Variants in CLHC1 observed in about 807,000 individuals in gnomAD.
CLHC1 encodes clathrin heavy chain linker domain-containing protein 1.
A neutral mutation model predicts 69.5 loss-of-function variants in CLHC1; 72 were observed. That is an observed-to-expected ratio of 1.04 (90% CI 0.86 to 1.26). The LOEUF is 1.26. Ranked by LOEUF, CLHC1 falls within the 50% of genes most tolerant of loss-of-function variation. The probability of loss-of-function intolerance (pLI) is 0.00; values close to 1 mark genes in which losing one functional copy is unlikely to be tolerated. For synonymous variants in CLHC1, 223 were observed against 224.3 expected, an observed-to-expected ratio of 0.99 and a Z score of 0.05; for missense variants, 790 against 679.3, an observed-to-expected ratio of 1.16 and a Z score of -1.81.
At chr2:55,188,118 A>G (rs1449087834) in intron 9 of CLHC1, among the ~76,000 whole-genome samples, 2 of 152,168 alleles carry the variant, frequency 1.3e-5, no homozygotes, top group African/African-American at 4.8e-5. Context: ...GTTTGAGACC[A>G]GCCTGGGCAA....
upstream of CLHC1, chr2:55,232,505 T>A (rs528351807): frequency 5.7e-5 from 26 of 458,096 alleles, no homozygotes; most frequent in South Asian, 1.3e-4. Flanking sequence ...TTCGAAAGCA[T>A]TCCGAAGGCT....
chr2:55,202,422 G>A (rs1337328913), intron 9 of CLHC1, among the ~76,000 whole-genome samples: 1 of 151,884 alleles, frequency 6.6e-6, no homozygotes, highest in African/African-American at 2.4e-5. Context: ...CGGGCCTGGT[G>A]GCAGGTGCCT....
At chr2:55,208,862 CCT>C (rs1374397605) in intron 7 of CLHC1, 152 bp from the exon 8 acceptor site, 7 of 379,762 alleles carry the variant, frequency 1.8e-5, no homozygotes, top group African/African-American at 4.9e-5. Context: ...CCGTCCCTTT[CCT>C]CTTTTTTTTT....
chr2:55,208,505 C>G (rs1672653633), intron 8 of CLHC1, 121 bp downstream of exon 8: 2 of 625,434 alleles, frequency 3.2e-6, no homozygotes, highest in Admixed American at 5.8e-5. Context: ...TAAAACATAT[C>G]AACATTATAA....
At chr2:55,218,040 T>G (rs1273171722) in intron 3 of CLHC1, 42 bp from the exon 4 acceptor site, 1 of 1,054,202 alleles carries the variant, frequency 9.5e-7, no homozygotes, top group South Asian at 2.5e-5. Flanking sequence ...ATTTTTTTTC[T>G]AGGAGGCTAT....
rs1429081462 is a variant in CLHC1 at position 55,206,199 on chromosome 2, C to T, written c.1006+71G>A. The T allele has an allele frequency of 6.7e-6, 6 of 892,166 alleles. No individual in the cohort carries two copies. In the African/African-American group the frequency reaches 1.0e-4, roughly 15 times the overall value. The allele number at this position is 892,166 out of a possible 1,614,324, so 55.3% of individuals were successfully genotyped here. The stretch of plus-strand genomic sequence containing the variant: ...AGATCTTTAGTCTCCCAGTTTAATG[C>T]TTTTTCTATTTTATGAGAGAAAAAG... On this transcript the variant is annotated intron_variant, in intron 9 of 12. Coordinates refer to ENST00000401408, the MANE Select transcript of CLHC1 (RefSeq NM_152385.4).
At position 55,217,989 on chromosome 2, in the gene CLHC1, G is replaced by A; in HGVS notation, c.187C>T (p.His63Tyr). Residue 63 changes from histidine to tyrosine, a missense_variant, in exon 4 of 13, where the codon CAT becomes TAT. Transcript: ENST00000401408. ...AGAATGGATTTGTATGCAGTGATAT[G>A]CTCTATTACCTGAAATATTATTTTT... ...YRNVFDKVIE[H>Y]ITAYKSILTS... The A allele has an allele frequency of 1.3e-6, 2 of 1,488,890 alleles. No individual in the cohort carries two copies. The highest frequency in any genetic ancestry group is 1.4e-5 in the South Asian group (1 of 73,250). The allele number at this position is 1,488,890 out of a possible 1,614,324, so 92.2% of individuals were successfully genotyped here.
intron 11 of CLHC1, among the ~76,000 whole-genome samples, 200 bp from the exon 12 acceptor site, chr2:55,177,981 A>C (rs982237766): frequency 6.6e-6 from 1 of 152,168 alleles, no homozygotes; most frequent in Non-Finnish European, 1.5e-5. Flanking sequence ...CATAGCAAAA[A>C]ACAAAGGAAA....
In CLHC1 at chr2:55,182,831, G is replaced by A. The variant is rs72916738; in HGVS notation, c.1007-1087C>T. ...GCTCTCTCAGAGAGGTCTGCATGCA[G>A]ACCAGATAACCCCACCTGAGAGAGT... On this transcript the variant is annotated intron_variant, in intron 9 of 12. Coordinates refer to ENST00000401408, the MANE Select transcript of CLHC1 (RefSeq NM_152385.4). 8.3e-3 allele frequency among the ~76,000 whole-genome samples: 1,267 copies of A among 152,088 alleles called. 23 individuals are homozygous for A. The highest frequency in any genetic ancestry group is 0.029 in the African/African-American group (1,201 of 41,392).
Position 55,208,695 on chromosome 2 carries a change from A to G in CLHC1, c.830T>C (p.Val277Ala). 4.3e-6 allele frequency: 7 copies of G among 1,609,940 alleles called. No homozygotes were observed. Among genetic ancestry groups the G allele is most frequent in the Non-Finnish European group, 6.0e-6 (7 of 1,176,314 alleles). ...TGGATCATCTTCCATTAGTTCTTCAACAATGCCTTGGTCACCTGTAAATAT... is the reference window on the plus strand; with the variant it reads ...TGGATCATCTTCCATTAGTTCTTCAGCAATGCCTTGGTCACCTGTAAATAT... ...TKYLQGDQGIVEELMEDDPRR... is the reference protein window; with the variant it reads ...TKYLQGDQGIAEELMEDDPRR... Residue 277 changes from valine (V) to alanine (A), a missense_variant, in exon 8 of 13, where the codon GTT (valine) becomes GCT (alanine). By Grantham distance (64) the Val-to-Ala change is moderately conservative. Transcript: ENST00000401408.
intron 7 of CLHC1, among the ~76,000 whole-genome samples, 155 bp from the exon 8 acceptor site, chr2:55,208,865 C>CCTTTTTTTTTTTTTT (rs1553353361): frequency 1.1e-5 from 1 of 90,820 alleles, no homozygotes; most frequent in Non-Finnish European, 2.2e-5. Context: ...TCCCTTTCCT[C>CCTTTTTTTTTTTTTT]TTTTTTTTTT....
intron 10 of CLHC1, among the ~76,000 whole-genome samples, chr2:55,181,109 T>C (rs1418456906): frequency 6.6e-6 from 1 of 152,110 alleles, no homozygotes; most frequent in Non-Finnish European, 1.5e-5. Flanking sequence ...GCTTCCTGAG[T>C]AGCAGGGACT....
rs1573567051 is a variant in CLHC1 at position 55,175,439 on chromosome 2, A to C, written c.*351T>G. 5.1e-6 allele frequency: 1 copy of C among 197,334 alleles called. No individual in the cohort carries two copies. The highest frequency in any genetic ancestry group is 1.2e-4 in the East Asian group (1 of 8,600). 12.2% of individuals were successfully genotyped at this position (197,334 alleles called of 1,614,324 possible). A position where few individuals can be genotyped will look rare whatever the true frequency, so the allele number is the denominator to read the frequency against. On this transcript the variant is annotated 3_prime_UTR_variant, in exon 13 of 13. Coordinates refer to ENST00000401408, the MANE Select transcript of CLHC1 (RefSeq NM_152385.4). ...TTGGGAAGACAGTCTAACACACAGG[A>C]TACTACCCACACCTTCCTCAGTTCT... is the stretch of plus-strand genomic sequence containing the variant.
At chr2:55,185,221 G>C (rs1025389875) in intron 9 of CLHC1, among the ~76,000 whole-genome samples, 8 of 152,118 alleles carry the variant, frequency 5.3e-5, no homozygotes, top group African/African-American at 1.4e-4. Flanking sequence ...GGAAAACCAA[G>C]AAGAAGCTAT....
At chr2:55,194,532 G>A (rs950988384) in intron 9 of CLHC1, among the ~76,000 whole-genome samples, 5 of 151,662 alleles carry the variant, frequency 3.3e-5, no homozygotes, top group Admixed American at 2.6e-4. Flanking sequence ...AAACTGTATT[G>A]GAGAATTTAG....
At chr2:55,180,911 G>A (rs1669874571) in intron 10 of CLHC1, among the ~76,000 whole-genome samples, 199 bp from the exon 11 acceptor site, 1 of 152,080 alleles carries the variant, frequency 6.6e-6, no homozygotes, top group South Asian at 2.1e-4. Flanking sequence ...TAGTCAATAT[G>A]AAAATAAAGT....
Position 55,174,054 on chromosome 2 carries a change from G to A in CLHC1, c.*1736C>T, listed in dbSNP as rs1482834763. On this transcript the variant is annotated 3_prime_UTR_variant, in exon 13 of 13. Transcript: ENST00000401408. The stretch of plus-strand genomic sequence containing the variant: ...AGGTTTTAAGCCGTTGGCACACAAA[G>A]AACCAGTGCTGCCGAAATACCTCTC... Among the ~76,000 whole-genome samples, 2 of 146,946 alleles carry A rather than the reference G, an allele frequency of 1.4e-5. No individual in the cohort carries two copies. Among genetic ancestry groups the A allele is most frequent in the African/African-American group, 5.0e-5 (2 of 39,954 alleles).
intron 9 of CLHC1, among the ~76,000 whole-genome samples, chr2:55,191,624 C>T (rs373486696): frequency 1.1e-4 from 16 of 152,142 alleles, no homozygotes; most frequent in African/African-American, 3.9e-4. Context: ...TTATTCTATA[C>T]ATCAAGTGGT....
At chr2:55,217,551 A>AAAAAAAAAAAAAAG (rs1673673741) in intron 4 of CLHC1, among the ~76,000 whole-genome samples, 1 of 60,154 alleles carries the variant, frequency 1.7e-5, no homozygotes, top group Non-Finnish European at 2.8e-5. Context: ...AAAAAAAAAA[A>AAAAAAAAAAAAAAG]AATATATATA....
Sources: gnomAD v4.1 joint callset for allele counts (sites outside exome capture counted in the v4.1 genomes callset) on GRCh38, gnomAD v4.1.1 for gene constraint, MANE v1.5 for transcripts, NCBI Gene and HGNC (gene_info 2026-07-23, HGNC 2026-07-21) for gene names.